Variants in ANO10 observed in about 807,000 individuals in gnomAD.
ANO10 encodes anoctamin 10, also known as anoctamin-10.
In ANO10, 77 loss-of-function variants were observed where a neutral mutation model predicts 74.7. That is an observed-to-expected ratio of 1.03 (90% confidence interval 0.86 to 1.25). ANO10 has a LOEUF of 1.25. ANO10 is among the 50% of genes most tolerant of loss of function. ANO10 has a pLI of 0.00. For missense variants in ANO10, 721 were observed against 778.1 expected, an observed-to-expected ratio of 0.93 and a Z score of 0.87; for synonymous variants, 279 against 284.9, an observed-to-expected ratio of 0.98 and a Z score of 0.21.
chr3:43,572,572 C>T (rs1276502319), intron 7 of ANO10, among the ~76,000 whole-genome samples: 1 of 152,160 alleles, frequency 6.6e-6, no homozygotes, highest in Admixed American at 6.5e-5. Context: ...GCATGAACTC[C>T]CCTGCCCTGC....
At chr3:43,580,071 G>C (rs1358388028) in intron 5 of ANO10, among the ~76,000 whole-genome samples, 1 of 149,974 alleles carries the variant, frequency 6.7e-6, no homozygotes, top group Non-Finnish European at 1.5e-5. Flanking sequence ...ATTAAGTCTG[G>C]AAGGTCAAGG....
At chr3:43,488,496 A>C (rs2076588549) in intron 11 of ANO10, among the ~76,000 whole-genome samples, 1 of 152,054 alleles carries the variant, frequency 6.6e-6, no homozygotes, top group Admixed American at 6.5e-5. Context: ...AACCCCATCA[A>C]AAAGTGGGCG....
intron 11 of ANO10, among the ~76,000 whole-genome samples, chr3:43,484,386 T>C (rs1433939152): frequency 6.6e-6 from 1 of 152,126 alleles, no homozygotes; most frequent in Non-Finnish European, 1.5e-5. Flanking sequence ...ACTCATTTAA[T>C]CTCCTCTAGA....
chr3:43,398,449 T>A (rs2092421736), intron 12 of ANO10, among the ~76,000 whole-genome samples: 1 of 152,220 alleles, frequency 6.6e-6, no homozygotes, highest in Non-Finnish European at 1.5e-5. Flanking sequence ...ATTCAAATAA[T>A]ACAGGCATTA....
intron 11 of ANO10, among the ~76,000 whole-genome samples, chr3:43,442,559 G>C (rs2093176254): frequency 6.6e-6 from 1 of 152,154 alleles, no homozygotes; most frequent in South Asian, 2.1e-4. Flanking sequence ...TAAATGAAAA[G>C]ACATTCTGTG....
intron 6 of ANO10, among the ~76,000 whole-genome samples, chr3:43,575,458 G>T (rs2080951622): frequency 6.6e-6 from 1 of 152,122 alleles, no homozygotes; most frequent in African/African-American, 2.4e-5. Context: ...CTAACCTTGG[G>T]TAAGTTACTT....
intron 1 of ANO10, among the ~76,000 whole-genome samples, chr3:43,637,403 G>A (rs1468922540): frequency 6.7e-6 from 1 of 150,270 alleles, no homozygotes; most frequent in African/African-American, 2.5e-5. Context: ...GGGAAGCGGA[G>A]GCTGCAAATG....
chr3:43,370,649 A>G (rs989736342), intron 12 of ANO10, among the ~76,000 whole-genome samples: 5 of 152,222 alleles, frequency 3.3e-5, no homozygotes. Context: ...TATAAGCAAG[A>G]TAATAGAGCT....
chr3:43,459,319 T>G (rs2075279608), intron 11 of ANO10, among the ~76,000 whole-genome samples: 1 of 152,134 alleles, frequency 6.6e-6, no homozygotes, highest in Admixed American at 6.6e-5. Flanking sequence ...CATTTCTACC[T>G]GATGCACTTC....
At chr3:43,439,996 T>C (rs1420278796) in intron 11 of ANO10, among the ~76,000 whole-genome samples, 1 of 152,054 alleles carries the variant, frequency 6.6e-6, no homozygotes, top group Non-Finnish European at 1.5e-5. Context: ...TATAAGATAT[T>C]TTATGTAATC....
intron 1 of ANO10, among the ~76,000 whole-genome samples, chr3:43,679,103 G>T (rs1445279856): frequency 6.6e-6 from 1 of 152,170 alleles, no homozygotes. Flanking sequence ...GCAGGACAGT[G>T]GGTGCAGTGC....
At chr3:43,513,935 T>C (rs1417089133) in intron 11 of ANO10, among the ~76,000 whole-genome samples, 1 of 150,592 alleles carries the variant, frequency 6.6e-6, no homozygotes, top group Non-Finnish European at 1.5e-5. Context: ...TTAAATATTA[T>C]TTTGTTTGCT....
At chr3:43,380,184 A>G (rs1233545943) in intron 12 of ANO10, among the ~76,000 whole-genome samples, 2 of 152,214 alleles carry the variant, frequency 1.3e-5, no homozygotes, top group Non-Finnish European at 2.9e-5. Context: ...GTTTGGGATT[A>G]TGTTAAACAA....
In ANO10 at chr3:43,554,868, A is replaced by T. The variant is rs139192107; in HGVS notation, c.1668+410T>A. On this transcript the variant is annotated intron_variant, in intron 10 of 12. Coordinates refer to ENST00000292246, the MANE Select transcript of ANO10 (RefSeq NM_018075.5). Reference sequence around the variant, plus strand: ...TCCTCTGAGACCACCCCAGGACTAGAAAACTAGACTAGCAAAAACTAAAAA... The same window carrying T: ...TCCTCTGAGACCACCCCAGGACTAGTAAACTAGACTAGCAAAAACTAAAAA... Among the ~76,000 whole-genome samples, 1,445 of 152,264 alleles carry T rather than the reference A, an allele frequency of 9.5e-3. 21 individuals are homozygous for T. The highest frequency in any genetic ancestry group is 0.032 in the African/African-American group (1,319 of 41,540).
chr3:43,646,565 T>C (rs2083728788), intron 1 of ANO10, among the ~76,000 whole-genome samples: 2 of 152,128 alleles, frequency 1.3e-5, no homozygotes, highest in Non-Finnish European at 2.9e-5. Context: ...GGAGTCTTGC[T>C]CTGATGCCCA....
At chr3:43,469,928 T>G (rs1232968316) in intron 11 of ANO10, among the ~76,000 whole-genome samples, 1 of 152,216 alleles carries the variant, frequency 6.6e-6, no homozygotes, top group South Asian at 2.1e-4. Flanking sequence ...GAAACATTCT[T>G]GGACATACTG....
In ANO10 at chr3:43,525,097, C is replaced by A. The variant is rs138290479; in HGVS notation, c.1797+24623G>T. The stretch of plus-strand genomic sequence containing the variant: ...TGTTGAGGTCATCACCACAGCCATA[C>A]TCTTACCCCCCACCGACCAATGACT... On this transcript the variant is annotated intron_variant, in intron 11 of 12. Transcript: ENST00000292246. Among the ~76,000 whole-genome samples the A allele has an allele frequency of 4.3e-4, 65 of 152,114 alleles. 1 individual carries two copies. Among genetic ancestry groups the A allele is most frequent in the Admixed American group, 4.3e-3 (65 of 15,266 alleles).
intron 1 of ANO10, among the ~76,000 whole-genome samples, chr3:43,685,857 T>C (rs1472908660): frequency 1.3e-5 from 2 of 152,240 alleles, no homozygotes; most frequent in African/African-American, 2.4e-5. Flanking sequence ...TCTTAACATG[T>C]TCAAAAAAGA....
intron 1 of ANO10, among the ~76,000 whole-genome samples, chr3:43,678,444 C>T (rs751007227): frequency 2.6e-5 from 4 of 152,150 alleles, no homozygotes; most frequent in Non-Finnish European, 4.4e-5. Flanking sequence ...AGTTAAAGAT[C>T]GACCCCTGAC....
Sources: gnomAD v4.1 joint callset for allele counts (sites outside exome capture counted in the v4.1 genomes callset) on GRCh38, gnomAD v4.1.1 for gene constraint, MANE v1.5 for transcripts, NCBI Gene and HGNC (gene_info 2026-07-23, HGNC 2026-07-21) for gene names.